MRC1: variants seen among roughly 807,000 people sequenced by gnomAD.
The protein encoded by MRC1 is mannose receptor C-type 1, also known as macrophage mannose receptor 1.
In MRC1, 62 loss-of-function variants were observed where a neutral mutation model predicts 102.9. The observed-to-expected ratio is 0.60, with a 90% CI of 0.49 to 0.74. MRC1 has a LOEUF of 0.74. Among genes scored for constraint, MRC1 ranks in the 30% least tolerant of loss-of-function variants. The probability of loss-of-function intolerance (pLI) is 0.00; values close to 1 mark genes in which losing one functional copy is unlikely to be tolerated. For missense variants in MRC1, 1,237 were observed against 862.8 expected (o/e 1.43, Z -5.43); for synonymous variants, 457 against 298.4 (o/e 1.53, Z -5.48).
At chr10:17,816,341 A>G (rs1201438239) in intron 1 of MRC1, among the ~76,000 whole-genome samples, 1 of 152,212 alleles carries the variant, frequency 6.6e-6, no homozygotes, top group Non-Finnish European at 1.5e-5. Flanking sequence ...TGAGCCCAGG[A>G]AACACTGACA....
At chr10:17,827,899 T>C (rs1484373111) in intron 3 of MRC1, among the ~76,000 whole-genome samples, 184 bp downstream of exon 3, 2 of 152,152 alleles carry the variant, frequency 1.3e-5, no homozygotes, top group South Asian at 2.1e-4. Flanking sequence ...TGATCTATAT[T>C]GGCTGAAGAC....
chr10:17,863,724 A>C, intron 11 of MRC1, 42 bp downstream of exon 11: 1 of 775,042 alleles, frequency 1.3e-6, no homozygotes, highest in Non-Finnish European at 2.4e-6. Context: ...TCACCCTACG[A>C]ATCTGTTAGA....
At chr10:17,878,904 A>G (rs1224555561) in intron 18 of MRC1, among the ~76,000 whole-genome samples, 2 of 152,150 alleles carry the variant, frequency 1.3e-5, no homozygotes, top group Non-Finnish European at 2.9e-5. Context: ...TTCTAAAGTG[A>G]AAAGGTCAAA....
rs900566574 is a variant in MRC1 at position 17,830,428 on chromosome 10, G to A, written c.637+2713G>A. Among the ~76,000 whole-genome samples the A allele has an allele frequency of 3.0e-4, 45 of 151,500 alleles. 2 individuals carry two copies. The highest frequency in any genetic ancestry group is 1.0e-3 in the African/African-American group (42 of 40,828). ...ATTACAGGTGTGAGCCACCGTGCCC[G>A]GACGAGCATTTTATTTTATATCAGC... On this transcript the variant is annotated intron_variant, in intron 3 of 29. Transcript: ENST00000569591.
chr10:17,863,453 G>A, intron 10 of MRC1, 81 bp from the exon 11 acceptor site: 1 of 776,584 alleles, frequency 1.3e-6, no homozygotes, highest in Non-Finnish European at 2.4e-6. Flanking sequence ...ATAGGACTGA[G>A]ATAGTTTCCA....
intron 5 of MRC1, among the ~76,000 whole-genome samples, chr10:17,842,353 A>G (rs1838764949): frequency 6.6e-6 from 1 of 152,232 alleles, no homozygotes; most frequent in Non-Finnish European, 1.5e-5. Context: ...AAACACGAGA[A>G]AATTTTTAGA....
chr10:17,907,017 C>T lies in MRC1; in HGVS notation c.3913+18C>T. The stretch of plus-strand genomic sequence containing the variant: ...TGTTGAAGGTAATTTTTGCAGCATG[C>T]TTATTTAATCACAAATATTGTAAAA... On this transcript the variant is annotated intron_variant, in intron 27 of 29. Transcript: ENST00000569591. 1.3e-6 allele frequency: 1 copy of T among 780,276 alleles called. No individual in the cohort carries two copies. The highest frequency in any genetic ancestry group is 2.4e-6 in the Non-Finnish European group (1 of 417,724). The allele number at this position is 780,276 out of a possible 1,614,324, so 48.3% of individuals were successfully genotyped here. A position where few individuals can be genotyped will look rare whatever the true frequency, so the allele number is the denominator to read the frequency against.
At chr10:17,896,582 T>C (rs1833758537) in intron 23 of MRC1, among the ~76,000 whole-genome samples, 1 of 152,182 alleles carries the variant, frequency 6.6e-6, no homozygotes, top group Non-Finnish European at 1.5e-5. Flanking sequence ...TTTAATGACT[T>C]AAGGAAAGAT....
chr10:17,861,863 C>T (rs1833189117), intron 10 of MRC1, among the ~76,000 whole-genome samples: 1 of 152,076 alleles, frequency 6.6e-6, no homozygotes, highest in East Asian at 1.9e-4. Context: ...ACTCTCTCCA[C>T]CAAAAAAGAA....
intron 6 of MRC1, 62 bp downstream of exon 6, chr10:17,845,497 C>T (rs1040831570): frequency 1.3e-6 from 1 of 778,568 alleles, no homozygotes; most frequent in East Asian, 2.4e-5. Flanking sequence ...AGTAACATTA[C>T]AGCTTAGGTG....
At chr10:17,836,689 A>G (rs1838668755) in intron 4 of MRC1, among the ~76,000 whole-genome samples, 1 of 151,980 alleles carries the variant, frequency 6.6e-6, no homozygotes, top group Admixed American at 6.6e-5. Flanking sequence ...ACAAAAAATT[A>G]GCTGGGCACG....
intron 22 of MRC1, among the ~76,000 whole-genome samples, chr10:17,893,530 AG>A (rs1417109277): frequency 6.6e-6 from 1 of 152,182 alleles, no homozygotes; most frequent in Non-Finnish European, 1.5e-5. Context: ...TGGGGCAGGC[AG>A]CATGTGTTTC....
intron 3 of MRC1, among the ~76,000 whole-genome samples, chr10:17,829,339 T>C (rs2130604286): frequency 6.6e-6 from 1 of 151,598 alleles, no homozygotes. Flanking sequence ...GGATTTATAA[T>C]CCCTAATTAT....
chr10:17,872,915 C>A (rs1833374762), intron 15 of MRC1, among the ~76,000 whole-genome samples: 1 of 152,168 alleles, frequency 6.6e-6, no homozygotes, highest in Non-Finnish European at 1.5e-5. Flanking sequence ...TCTTGGCAAC[C>A]ATTTCAACTC....
rs1221073751 is a variant in MRC1, at chr10:17,849,720, A to G, written c.1205A>G (p.His402Arg). 1 of 781,000 alleles carries G rather than the reference A, an allele frequency of 1.3e-6. No individual in the cohort carries two copies. Among genetic ancestry groups the G allele is most frequent in the East Asian group, 2.4e-5 (1 of 41,224 alleles). The allele number at this position is 781,000 out of a possible 1,614,324, so 48.4% of individuals were successfully genotyped here. A position where few individuals can be genotyped will look rare whatever the true frequency, so the allele number is the denominator to read the frequency against. The change falls in exon 7 of 30, where the codon CAC becomes CGC. Residue 402 changes from histidine to arginine, a missense_variant. His to Arg is a conservative substitution (Grantham distance 29). Transcript: ENST00000569591. ...GAAGGCGGTGACCTCACAAGTATCC[A>G]CACCATCGAGGAATTGGACTTTATT... ...RKEGGDLTSI[H>R]TIEELDFIIS...
intron 11 of MRC1, among the ~76,000 whole-genome samples, chr10:17,864,699 C>T (rs911901568): frequency 1.1e-4 from 16 of 151,988 alleles, no homozygotes; most frequent in African/African-American, 3.6e-4. Context: ...TGCAGTGGTG[C>T]GTGCCTGTCA....
intron 28 of MRC1, 80 bp from the exon 29 acceptor site, chr10:17,909,226 G>A (rs991509957): frequency 6.6e-6 from 5 of 756,778 alleles, no homozygotes; most frequent in Non-Finnish European, 1.2e-5. Context: ...AGGATTCCAT[G>A]TATTTGTGAG....
intron 1 of MRC1, among the ~76,000 whole-genome samples, chr10:17,815,633 G>A (rs1838299254): frequency 6.6e-6 from 1 of 152,128 alleles, no homozygotes; most frequent in Admixed American, 6.5e-5. Context: ...GAAGTTGGAA[G>A]AGTTTCTTGG....
intron 9 of MRC1, among the ~76,000 whole-genome samples, chr10:17,856,839 T>A (rs1833100195): frequency 6.6e-6 from 1 of 152,122 alleles, no homozygotes; most frequent in Non-Finnish European, 1.5e-5. Context: ...CTGGAGAGGA[T>A]TCTTCTCAGT....
Sources: allele counts gnomAD v4.1 joint callset (sites outside exome capture counted in the v4.1 genomes callset), GRCh38; gene constraint gnomAD v4.1.1; transcripts MANE v1.5; gene names NCBI Gene and HGNC (gene_info 2026-07-23, HGNC 2026-07-21).